Variants in KATNAL2 observed in about 807,000 individuals in gnomAD.
KATNAL2 encodes katanin p60 ATPase-containing subunit A-like 2.
KATNAL2 carries 52 observed loss-of-function variants against 76.3 expected under a neutral mutation model. The ratio of observed to expected loss-of-function variants is 0.68; its 90% CI spans 0.55 to 0.86. The LOEUF (loss-of-function observed/expected upper bound fraction) is 0.86. Ranked by LOEUF, KATNAL2 falls within the 40% of genes least tolerant of loss-of-function variation. The pLI, the probability that KATNAL2 is intolerant of heterozygous loss-of-function variation, is 0.00. For missense variants in KATNAL2, 660 were observed against 668.9 expected, an observed-to-expected ratio of 0.99 and a Z score of 0.15; for synonymous variants, 243 against 244.2, an observed-to-expected ratio of 1.00 and a Z score of 0.05.
At chr18:46,946,694 G>T in intron 2 of KATNAL2, 148 bp downstream of exon 2, 2 of 1,053,286 alleles carry the variant, frequency 1.9e-6, no homozygotes, top group South Asian at 1.6e-5. Context: ...AACATGCATG[G>T]TCTAACATTG....
intron 4 of KATNAL2, among the ~76,000 whole-genome samples, chr18:47,047,501 A>G (rs1042157134): frequency 1.3e-5 from 2 of 152,184 alleles, no homozygotes; most frequent in African/African-American, 4.8e-5. Flanking sequence ...TATAACTGGC[A>G]GGGTGAGGAA....
chr18:47,069,506 A>C lies in KATNAL2; in HGVS notation c.914A>C (p.Lys305Thr). ...GGTACAGGAAAGACTTTACTGGCCA[A>C]AGCTGTGGCCACTGAATGTAAAACA... The part of the protein sequence containing the change: ...PPGTGKTLLA[K>T]AVATECKTTF... The change falls in exon 13 of 18, where the codon AAA becomes ACA. Residue 305 changes from lysine (K) to threonine (T), a missense_variant. Physicochemically the swap from Lys to Thr is moderately conservative, Grantham distance 78. Coordinates refer to ENST00000683218, the MANE Select transcript of KATNAL2 (RefSeq NM_001387690.1). The C allele has an allele frequency of 3.1e-6, 5 of 1,613,552 alleles. No individual in the cohort carries two copies. Among genetic ancestry groups the C allele is most frequent in the Non-Finnish European group, 4.2e-6 (5 of 1,179,544 alleles).
chr18:46,927,487 AC>A (rs2058765008), intron 1 of KATNAL2, among the ~76,000 whole-genome samples: 1 of 152,218 alleles, frequency 6.6e-6, no homozygotes. Context: ...TTTGTGGGTA[AC>A]CCGACCTTTC....
intron 1 of KATNAL2, among the ~76,000 whole-genome samples, chr18:46,939,649 A>G (rs900158792): frequency 6.6e-6 from 1 of 152,202 alleles, no homozygotes; most frequent in South Asian, 2.1e-4. Flanking sequence ...TGAAAGCAAC[A>G]CTGATTGAGA....
chr18:47,064,172 C>T (rs138547153), intron 10 of KATNAL2, among the ~76,000 whole-genome samples: 38 of 151,102 alleles, frequency 2.5e-4, no homozygotes, highest in East Asian at 2.3e-3. Context: ...CAAATGTGAA[C>T]GAGTCAGAGC....
chr18:46,952,395 T>TTTG (rs2059586795), intron 3 of KATNAL2, among the ~76,000 whole-genome samples: 1 of 77,628 alleles, frequency 1.3e-5, no homozygotes, highest in African/African-American at 4.9e-5. Context: ...GCAGGTATGT[T>TTTG]TTTTTTTTTT....
intron 3 of KATNAL2, chr18:47,035,747 C>G (rs1170907164): frequency 1.5e-5 from 3 of 202,038 alleles, no homozygotes; most frequent in Non-Finnish European, 3.2e-5. Context: ...AGCCTCGACA[C>G]ACCCCACTGA....
intron 3 of KATNAL2, chr18:47,033,364 G>A (rs769134187): frequency 1.2e-6 from 2 of 1,614,130 alleles, no homozygotes; most frequent in East Asian, 2.2e-5. Flanking sequence ...TCTGCCGTTG[G>A]GGTTGTTTCC....
intron 8 of KATNAL2, among the ~76,000 whole-genome samples, chr18:47,061,864 AT>A (rs77869357): frequency 0.09 from 11,092 of 123,232 alleles, 505 homozygotes; most frequent in East Asian, 0.21. Context: ...TATTATTATT[AT>A]TTTTTTTTTT....
rs2061529528 is a variant in KATNAL2, at chr18:47,058,317, G to A, written c.415G>A (p.Asp139Asn). ...RSKTTAGKTG[D>N]TKSLNKEHPN... ...CAAAACCACAGCGGGGAAGACAGGG[G>A]ACACCAAATCGCTCAATAAGGAGCA... The change falls in exon 7 of 18, where the codon GAC becomes AAC. Residue 139 changes from aspartate to asparagine, a missense_variant. Physicochemically the swap from Asp to Asn is conservative, Grantham distance 23 (BLOSUM62 1). Transcript: ENST00000683218. The A allele has an allele frequency of 3.1e-6, 5 of 1,613,920 alleles. No individual in the cohort carries two copies. The highest frequency in any genetic ancestry group is 4.2e-6 in the Non-Finnish European group (5 of 1,179,822).
intron 3 of KATNAL2, among the ~76,000 whole-genome samples, chr18:46,949,615 C>T (rs567717762): frequency 6.6e-6 from 1 of 152,168 alleles, no homozygotes; most frequent in Non-Finnish European, 1.5e-5. Flanking sequence ...TAGGGGAAGC[C>T]ACCCCAGTGA....
At chr18:47,059,519 G>A (rs1393157182) in intron 7 of KATNAL2, 37 bp from the exon 8 acceptor site, 5 of 1,444,142 alleles carry the variant, frequency 3.5e-6, no homozygotes, top group Non-Finnish European at 4.9e-6. Context: ...CTCCATGGCT[G>A]CTCACAGCCG....
At chr18:47,084,847 T>TAAAA (rs34034453) in intron 15 of KATNAL2, among the ~76,000 whole-genome samples, 256 of 25,536 alleles carry the variant, frequency 0.01, 43 homozygotes, top group African/African-American at 0.035. Flanking sequence ...AGACTCTGTC[T>TAAAA]AAAAAAAAAA....
intron 3 of KATNAL2, among the ~76,000 whole-genome samples, chr18:46,958,230 C>T (rs1184630973): frequency 2.0e-5 from 3 of 151,916 alleles, no homozygotes; most frequent in Admixed American, 1.3e-4. Flanking sequence ...TCTCCTGGTT[C>T]GGGGGCCTTC....
intron 3 of KATNAL2, among the ~76,000 whole-genome samples, chr18:47,044,806 C>T (rs1025604405): frequency 1.3e-4 from 17 of 135,140 alleles, no homozygotes; most frequent in Admixed American, 2.2e-4. Context: ...AAAATGGGTC[C>T]GGTGTGGTGG....
At chr18:46,942,636 A>G (rs2059278410) in intron 1 of KATNAL2, among the ~76,000 whole-genome samples, 1 of 150,692 alleles carries the variant, frequency 6.6e-6, no homozygotes, top group Admixed American at 6.6e-5. Flanking sequence ...ACAAACAAAC[A>G]AAAGTTCATT....
chr18:47,031,025 C>A (rs1332896272), intron 3 of KATNAL2, among the ~76,000 whole-genome samples: 5 of 45,510 alleles, frequency 1.1e-4, no homozygotes, highest in African/African-American at 2.2e-4. Flanking sequence ...CCCCCCCCCC[C>A]CCGCCCCCAA....
In KATNAL2 at chr18:47,058,781, T is replaced by A. The variant is rs113557210; in HGVS notation, c.450+429T>A. On this transcript the variant is annotated intron_variant, in intron 7 of 17. Transcript: ENST00000683218. ...TAGGCCAGGCATAGCCTACACTACA[T>A]TTCAGGTATGGCTGGGTCTCAAGGT... is the stretch of plus-strand genomic sequence containing the variant. 5.6e-3 allele frequency among the ~76,000 whole-genome samples: 848 copies of A among 152,290 alleles called. 13 individuals carry two copies. The highest frequency in any genetic ancestry group is 0.02 in the African/African-American group (812 of 41,562).
At chr18:46,944,493 G>T (rs2059331314) in intron 1 of KATNAL2, among the ~76,000 whole-genome samples, 1 of 152,160 alleles carries the variant, frequency 6.6e-6, no homozygotes, top group Non-Finnish European at 1.5e-5. Context: ...CACTTTGGGA[G>T]GCCAAGGGGT....
Sources: allele counts gnomAD v4.1 joint callset (sites outside exome capture counted in the v4.1 genomes callset), GRCh38; gene constraint gnomAD v4.1.1; transcripts MANE v1.5; gene names NCBI Gene and HGNC (gene_info 2026-07-23, HGNC 2026-07-21).